Variants in NMBR observed in about 807,000 individuals in gnomAD.
NMBR encodes neuromedin-B receptor.
In NMBR, 16 loss-of-function variants were observed where a neutral mutation model predicts 20.5. That is an observed-to-expected ratio of 0.78 (90% CI 0.53 to 1.19). The LOEUF (loss-of-function observed/expected upper bound fraction) is 1.19. Among genes scored for constraint, NMBR ranks in the 50% most tolerant of loss-of-function variants. The probability of loss-of-function intolerance (pLI) is 0.00; values close to 1 mark genes in which losing one functional copy is unlikely to be tolerated. For synonymous variants in NMBR, 212 were observed against 196.6 expected, an observed-to-expected ratio of 1.08 and a Z score of -0.65; for missense variants, 582 against 499.1, an observed-to-expected ratio of 1.17 and a Z score of -1.58.
At chr6:142,142,940 C>A (rs1477332476) in intron 1 of NMBR, among the ~76,000 whole-genome samples, 3 of 151,978 alleles carry the variant, frequency 2.0e-5, no homozygotes. Context: ...AGAAAATTAG[C>A]CAGGCATGGT....
intron 1 of NMBR, among the ~76,000 whole-genome samples, chr6:142,103,387 C>T (rs1421614028): frequency 6.6e-6 from 1 of 152,084 alleles, no homozygotes; most frequent in Non-Finnish European, 1.5e-5. Context: ...TTAAATGGCC[C>T]ATCAGGTAGC....
chr6:142,077,589 A>G (rs6902780), intron 3 of NMBR, among the ~76,000 whole-genome samples: 40,590 of 152,074 alleles, frequency 0.27, 6,150 homozygotes, highest in East Asian at 0.71. Context: ...GCCGATGTGG[A>G]TCTTTGATGT....
intron 1 of NMBR, among the ~76,000 whole-genome samples, chr6:142,099,309 A>G (rs190748609): frequency 7.2e-5 from 11 of 152,324 alleles, no homozygotes; most frequent in African/African-American, 2.2e-4. Context: ...TAAAGAAAAG[A>G]TGTTTAATTG....
Position 142,075,577 on chromosome 6 carries a change from G to T in NMBR, c.*71C>A. ...TAATAAATTAGCTAAGCAACAGCAAGTTCTGATCTGCCGAATAGGAATTTT... is the reference window on the plus strand; with the variant it reads ...TAATAAATTAGCTAAGCAACAGCAATTTCTGATCTGCCGAATAGGAATTTT... On this transcript the variant is annotated 3_prime_UTR_variant, in exon 4 of 4. Coordinates refer to ENST00000258042, the MANE Select transcript of NMBR (RefSeq NM_002511.4). 1 of 1,433,678 alleles carries T rather than the reference G, an allele frequency of 7.0e-7. No homozygotes were observed. The allele number at this position is 1,433,678 out of a possible 1,614,324, so 88.8% of individuals were successfully genotyped here. A position where few individuals can be genotyped will look rare whatever the true frequency, so the allele number is the denominator to read the frequency against.
intron 1 of NMBR, among the ~76,000 whole-genome samples, chr6:142,142,064 A>G (rs2114615978): frequency 6.6e-6 from 1 of 152,348 alleles, no homozygotes; most frequent in African/African-American, 2.4e-5. Context: ...GTAAGGAAAC[A>G]TCCTGAACAA....
chr6:142,132,009 T>C (rs984744490), intron 1 of NMBR, among the ~76,000 whole-genome samples: 1 of 152,226 alleles, frequency 6.6e-6, no homozygotes, highest in Non-Finnish European at 1.5e-5. Context: ...AAGATGGGAA[T>C]ATACACAAAT....
intron 1 of NMBR, among the ~76,000 whole-genome samples, chr6:142,108,448 A>G (rs973531050): frequency 3.4e-4 from 52 of 152,284 alleles, no homozygotes; most frequent in Middle Eastern, 6.8e-3. Flanking sequence ...AGTTTAATTG[A>G]CTCACAGTTG....
chr6:142,109,861 T>C (rs892385099), intron 1 of NMBR, among the ~76,000 whole-genome samples: 3 of 152,064 alleles, frequency 2.0e-5, no homozygotes, highest in African/African-American at 7.2e-5. Flanking sequence ...ATTTGCCCCT[T>C]CCCACATGTA....
chr6:142,125,923 C>T (rs923189426), intron 1 of NMBR, among the ~76,000 whole-genome samples: 14 of 150,710 alleles, frequency 9.3e-5, no homozygotes, highest in South Asian at 6.3e-4. Flanking sequence ...AGAGTTACCT[C>T]TTACCAAATT....
chr6:142,117,907 G>T (rs1777880826), intron 1 of NMBR, among the ~76,000 whole-genome samples: 1 of 151,838 alleles, frequency 6.6e-6, no homozygotes, highest in South Asian at 2.1e-4. Flanking sequence ...TGATAACAAA[G>T]TGATGACTTA....
chr6:142,087,346 G>A (rs540820446), intron 2 of NMBR, among the ~76,000 whole-genome samples: 1 of 152,222 alleles, frequency 6.6e-6, no homozygotes, highest in African/African-American at 2.4e-5. Context: ...TTCCCACCAA[G>A]GGAATTAAAC....
chr6:142,133,919 G>A (rs377574229), intron 1 of NMBR: 28 of 702,082 alleles, frequency 4.0e-5, no homozygotes, highest in Middle Eastern at 2.3e-4. Context: ...ATTCTTCCTC[G>A]GGGTGCTAGG....
chr6:142,101,968 A>G (rs938896728), intron 1 of NMBR, among the ~76,000 whole-genome samples: 5 of 152,166 alleles, frequency 3.3e-5, no homozygotes, highest in African/African-American at 1.2e-4. Context: ...AAGAGAATAT[A>G]GCACACCAGG....
chr6:142,118,856 T>C (rs1434013556), intron 1 of NMBR, among the ~76,000 whole-genome samples: 5 of 151,996 alleles, frequency 3.3e-5, no homozygotes, highest in African/African-American at 1.2e-4. Context: ...TATTTGTGTG[T>C]GTCTTACATT....
chr6:142,138,907 T>C (rs1001062062), intron 1 of NMBR, among the ~76,000 whole-genome samples: 1 of 152,212 alleles, frequency 6.6e-6, no homozygotes, highest in African/African-American at 2.4e-5. Context: ...TTCTGCTTCC[T>C]TTTAAGCTTT....
At chr6:142,098,621 T>A (rs1292294731) in intron 1 of NMBR, among the ~76,000 whole-genome samples, 1 of 152,016 alleles carries the variant, frequency 6.6e-6, no homozygotes, top group Non-Finnish European at 1.5e-5. Flanking sequence ...CTAACAAAAT[T>A]TGCATGATCC....
intron 3 of NMBR, among the ~76,000 whole-genome samples, chr6:142,076,862 T>G (rs1489130691): frequency 6.6e-6 from 1 of 152,206 alleles, no homozygotes; most frequent in Non-Finnish European, 1.5e-5. Flanking sequence ...GTAGTAGGTA[T>G]CATAATATTT....
At position 142,075,343 on chromosome 6, in the gene NMBR, G is replaced by C. The variant is rs1562387797; in HGVS notation, c.*305C>G. On this transcript the variant is annotated 3_prime_UTR_variant, in exon 4 of 4. Transcript: ENST00000258042. ...ATGTTAAATTATACATATTGCATTG[G>C]TTTGGGGATCATCTTAAATGTGAAA... 1.3e-5 allele frequency among the ~76,000 whole-genome samples: 2 copies of C among 152,132 alleles called. No individual in the cohort carries two copies. Among genetic ancestry groups the C allele is most frequent in the East Asian group, 3.9e-4 (2 of 5,180 alleles).
chr6:142,112,286 C>T (rs991994687), intron 1 of NMBR, among the ~76,000 whole-genome samples: 1 of 152,116 alleles, frequency 6.6e-6, no homozygotes, highest in Non-Finnish European at 1.5e-5. Flanking sequence ...CATTTGCATT[C>T]GATATTTCAT....
Sources: gnomAD v4.1 joint callset for allele counts (sites outside exome capture counted in the v4.1 genomes callset) on GRCh38, gnomAD v4.1.1 for gene constraint, MANE v1.5 for transcripts, NCBI Gene and HGNC (gene_info 2026-07-23, HGNC 2026-07-21) for gene names.